ST3GAL4: variants seen among roughly 807,000 people sequenced by gnomAD.
The protein encoded by ST3GAL4 is CMP-N-acetylneuraminate-beta-galactosamide-alpha-2,3-sialyltransferase 4.
ST3GAL4 carries 24 observed loss-of-function variants against 42.6 expected under a neutral mutation model. The observed-to-expected ratio is 0.56, with a 90% confidence interval of 0.41 to 0.79. The LOEUF is 0.79. ST3GAL4 is among the 30% of genes least tolerant of loss of function. The probability of loss-of-function intolerance (pLI) is 0.00; values close to 1 mark genes in which losing one functional copy is unlikely to be tolerated. For missense variants in ST3GAL4, 311 were observed against 430.8 expected, an observed-to-expected ratio of 0.72 and a Z score of 2.46; for synonymous variants, 135 against 163.2, an observed-to-expected ratio of 0.83 and a Z score of 1.32.
intron 1 of ST3GAL4, among the ~76,000 whole-genome samples, chr11:126,380,820 T>G (rs891061567): frequency 6.6e-6 from 1 of 152,202 alleles, no homozygotes; most frequent in Admixed American, 6.5e-5. Context: ...CTCCACCCTC[T>G]TCTCTCCAGA....
chr11:126,404,463 T>C (rs1009824394), intron 1 of ST3GAL4, among the ~76,000 whole-genome samples: 1 of 152,206 alleles, frequency 6.6e-6, no homozygotes, highest in Admixed American at 6.5e-5. Context: ...TCACAGAGCT[T>C]ATATCCCAAC....
intron 1 of ST3GAL4, chr11:126,374,950 G>T (rs1265070175): frequency 6.6e-6 from 1 of 152,050 alleles, no homozygotes; most frequent in Non-Finnish European, 1.5e-5. Flanking sequence ...TCTAGAACGT[G>T]GGCAGCGGAC....
At chr11:126,382,814 G>C (rs1467280421) in intron 1 of ST3GAL4, among the ~76,000 whole-genome samples, 1 of 152,230 alleles carries the variant, frequency 6.6e-6, no homozygotes, top group Non-Finnish European at 1.5e-5. Flanking sequence ...TTGACAGGCG[G>C]GAATCTGTCC....
In ST3GAL4 at chr11:126,396,364, G is replaced by A. The variant is rs950936943; in HGVS notation, c.-60-9732G>A. Among the ~76,000 whole-genome samples, 2 of 152,074 alleles carry A rather than the reference G, an allele frequency of 1.3e-5. No individual in the cohort carries two copies. The highest frequency in any genetic ancestry group is 4.8e-5 in the African/African-American group (2 of 41,324). ...CGCAGCCCGGGAGACCTGGCCTACA[G>A]CGGAGAGAGTCAGTCCATGCCAGTG... On this transcript the variant is annotated intron_variant, in intron 1 of 10. Coordinates refer to ENST00000444328, the MANE Select transcript of ST3GAL4 (RefSeq NM_001254757.2). This position sits in a 1 kb window ranked among gnomAD's most constrained non-coding sequence, Gnocchi z 5.8.
At chr11:126,371,698 G>A (rs1400822260) in intron 1 of ST3GAL4, among the ~76,000 whole-genome samples, 1 of 152,216 alleles carries the variant, frequency 6.6e-6, no homozygotes, top group African/African-American at 2.4e-5. Context: ...CGATAGTTAA[G>A]TTGTTTCCAT....
At chr11:126,399,499 G>T (rs1256725947) in intron 1 of ST3GAL4, among the ~76,000 whole-genome samples, 1 of 151,544 alleles carries the variant, frequency 6.6e-6, no homozygotes, top group Admixed American at 6.6e-5. Context: ...TAGAGATGGG[G>T]TTTCATCATG....
chr11:126,372,514 T>C (rs1335351985), intron 1 of ST3GAL4, among the ~76,000 whole-genome samples: 1 of 151,858 alleles, frequency 6.6e-6, no homozygotes, highest in African/African-American at 2.4e-5. Flanking sequence ...CCTCCTGGGT[T>C]CAAGCGATTC....
intron 1 of ST3GAL4, among the ~76,000 whole-genome samples, chr11:126,382,925 A>G (rs1167352987): frequency 6.6e-6 from 1 of 152,192 alleles, no homozygotes; most frequent in Non-Finnish European, 1.5e-5. Flanking sequence ...GGGCAGCTGG[A>G]GGAAGGCCTT....
intron 1 of ST3GAL4, among the ~76,000 whole-genome samples, chr11:126,390,682 C>T (rs950960300): frequency 2.1e-5 from 3 of 143,770 alleles, no homozygotes; most frequent in Admixed American, 1.5e-4. Context: ...AATGCACAAG[C>T]ACGAGGTTGT....
intron 1 of ST3GAL4, among the ~76,000 whole-genome samples, chr11:126,375,396 G>T (rs1952798020): frequency 6.6e-6 from 1 of 152,134 alleles, no homozygotes; most frequent in Non-Finnish European, 1.5e-5. Context: ...CCTAATTGCT[G>T]TGTAGGGCAG....
intron 1 of ST3GAL4, among the ~76,000 whole-genome samples, chr11:126,399,063 G>A (rs1188568326): frequency 2.6e-5 from 4 of 152,144 alleles, no homozygotes; most frequent in Admixed American, 6.5e-5. Flanking sequence ...AATAGCCTCT[G>A]GCTTCATTCT....
chr11:126,389,286 T>A (rs528211125), intron 1 of ST3GAL4, among the ~76,000 whole-genome samples: 2 of 152,232 alleles, frequency 1.3e-5, no homozygotes, highest in Non-Finnish European at 2.9e-5. Flanking sequence ...CATGTGATAA[T>A]CTGCCAGGTT....
In ST3GAL4 at chr11:126,392,255, C is replaced by G; in HGVS notation, c.-60-13841C>G. 2 of 929,108 alleles carry G rather than the reference C, an allele frequency of 2.2e-6. No individual in the cohort carries two copies. The highest frequency in any genetic ancestry group is 2.6e-6 in the Non-Finnish European group (2 of 778,310). 57.6% of individuals were successfully genotyped at this position (929,108 alleles called of 1,614,324 possible). On this transcript the variant is annotated intron_variant, in intron 1 of 10. Transcript: ENST00000444328. The surrounding 1 kb of genome is among the most constrained non-coding windows in gnomAD (Gnocchi z 5.8). ...AAGTAAGTAGGAAGGAAGGAGATTTCCTGGGTATTAGGGTGTCCTCAAGCC... is the reference window on the plus strand; with the variant it reads ...AAGTAAGTAGGAAGGAAGGAGATTTGCTGGGTATTAGGGTGTCCTCAAGCC...
At chr11:126,371,996 C>A (rs1190822469) in intron 1 of ST3GAL4, among the ~76,000 whole-genome samples, 1 of 152,170 alleles carries the variant, frequency 6.6e-6, no homozygotes, top group Non-Finnish European at 1.5e-5. Context: ...TGTGAATTGC[C>A]TTTTTGTGTT....
Position 126,384,286 on chromosome 11 carries a change from G to T in ST3GAL4, c.-60-21810G>T, listed in dbSNP as rs1401800443. ...TGAGGCAGAGGAAAGGGGTTTCTGA[G>T]CCCAGATCTCCGGTGCTCCAAGACA... is the stretch of plus-strand genomic sequence containing the variant. On this transcript the variant is annotated intron_variant, in intron 1 of 10. Transcript: ENST00000444328. The surrounding 1 kb of genome is among the most constrained non-coding windows in gnomAD (Gnocchi z 5.5). Among the ~76,000 whole-genome samples the T allele has an allele frequency of 1.3e-5, 2 of 152,188 alleles. No homozygotes were observed. The highest frequency in any genetic ancestry group is 2.9e-5 in the Non-Finnish European group (2 of 68,042).
chr11:126,388,679 T>TG (rs1555086241), intron 1 of ST3GAL4, among the ~76,000 whole-genome samples: 2 of 122,642 alleles, frequency 1.6e-5, no homozygotes, highest in Non-Finnish European at 1.7e-5. Flanking sequence ...TTTTTTTTTT[T>TG]TTCTGATTTA....
chr11:126,361,499 A>C (rs1200725288), intron 1 of ST3GAL4, among the ~76,000 whole-genome samples: 2 of 151,382 alleles, frequency 1.3e-5, no homozygotes, highest in Admixed American at 1.3e-4. Flanking sequence ...TGGCTTGGGC[A>C]TTGTTGGTAA....
chr11:126,358,320 C>T (rs1043384564), intron 1 of ST3GAL4: 1 of 285,758 alleles, frequency 3.5e-6, no homozygotes, highest in Non-Finnish European at 7.4e-6. Context: ...CGACCTTGAC[C>T]TGAAGCTTTT....
In ST3GAL4 at chr11:126,384,297, C is replaced by T. The variant is rs548203081; in HGVS notation, c.-60-21799C>T. Among the ~76,000 whole-genome samples the T allele has an allele frequency of 2.0e-5, 3 of 152,256 alleles. No individual in the cohort carries two copies. The highest frequency in any genetic ancestry group is 3.9e-4 in the East Asian group (2 of 5,172). On this transcript the variant is annotated intron_variant, in intron 1 of 10. Transcript: ENST00000444328. This position sits in a 1 kb window ranked among gnomAD's most constrained non-coding sequence, Gnocchi z 5.5. ...AAAGGGGTTTCTGAGCCCAGATCTC[C>T]GGTGCTCCAAGACACTCAAAACCAG...
Sources: gnomAD v4.1 joint callset for allele counts (sites outside exome capture counted in the v4.1 genomes callset) on GRCh38, gnomAD v4.1.1 for gene constraint, Gnocchi (gnomAD v3.1) non-coding constraint, MANE v1.5 for transcripts, NCBI Gene and HGNC (gene_info 2026-07-23, HGNC 2026-07-21) for gene names.